NEK1: variants seen among roughly 807,000 people sequenced by gnomAD.
The protein encoded by NEK1 is serine/threonine-protein kinase Nek1.
A neutral mutation model predicts 182.1 loss-of-function variants in NEK1; 137 were observed. That is an observed-to-expected ratio of 0.75 (90% confidence interval 0.65 to 0.87). The LOEUF (loss-of-function observed/expected upper bound fraction) is 0.87. NEK1 is among the 40% of genes least tolerant of loss of function. The probability of loss-of-function intolerance (pLI) is 0.00; values close to 1 mark genes in which losing one functional copy is unlikely to be tolerated. For missense variants in NEK1, 1,391 were observed against 1,494.4 expected (o/e 0.93, Z 1.14); for synonymous variants, 513 against 492.2 (o/e 1.04, Z -0.56).
At chr4:169,465,639 A>G (rs1744789663) in intron 26 of NEK1, among the ~76,000 whole-genome samples, 1 of 152,162 alleles carries the variant, frequency 6.6e-6, no homozygotes, top group African/African-American at 2.4e-5. Context: ...ACAGTGCCAG[A>G]AAGAGTTCCT....
chr4:169,537,764 G>T, intron 19 of NEK1, 45 bp downstream of exon 19: 1 of 1,395,140 alleles, frequency 7.2e-7, no homozygotes, highest in South Asian at 1.2e-5. Flanking sequence ...CCTTCACTTG[G>T]AATACTAATA....
At chr4:169,515,626 A>G (rs1047061104) in intron 19 of NEK1, among the ~76,000 whole-genome samples, 14 of 117,582 alleles carry the variant, frequency 1.2e-4, no homozygotes, top group Non-Finnish European at 1.1e-4. Flanking sequence ...AGCATTAGGT[A>G]TATCTCCCAA....
chr4:169,530,759 G>C (rs1015582877), intron 19 of NEK1, among the ~76,000 whole-genome samples: 2 of 151,156 alleles, frequency 1.3e-5, no homozygotes, highest in African/African-American at 2.4e-5. Flanking sequence ...GGGTTGGCGG[G>C]GGGTGATGGA....
At chr4:169,488,993 A>G (rs1030569091) in intron 23 of NEK1, among the ~76,000 whole-genome samples, 1 of 152,230 alleles carries the variant, frequency 6.6e-6, no homozygotes. Flanking sequence ...ACAAACATTA[A>G]GTCAATCTTC....
At chr4:169,400,463 A>C (rs1384021666) in intron 34 of NEK1, 58 bp downstream of exon 34, 6 of 1,521,710 alleles carry the variant, frequency 3.9e-6, no homozygotes, top group Non-Finnish European at 5.3e-6. Flanking sequence ...GATTATCAAC[A>C]TTTCTTCAAC....
intron 10 of NEK1, among the ~76,000 whole-genome samples, chr4:169,583,726 C>T (rs1767060749): frequency 6.6e-6 from 1 of 152,174 alleles, no homozygotes; most frequent in Non-Finnish European, 1.5e-5. Context: ...TAGTATGCTA[C>T]ATAATAAAAG....
chr4:169,519,620 G>C lies in NEK1; in HGVS notation c.1666-10768C>G, dbSNP rs1245420489. Reference sequence around the variant, plus strand: ...CTAGTCTTGATGGTCTTTACATTTTGGCATGATTTTGCAGCGGCTGGTACC... The same window carrying C: ...CTAGTCTTGATGGTCTTTACATTTTCGCATGATTTTGCAGCGGCTGGTACC... On this transcript the variant is annotated intron_variant, in intron 19 of 35. Transcript: ENST00000507142. Among the ~76,000 whole-genome samples, 757 of 97,950 alleles carry C rather than the reference G, an allele frequency of 7.7e-3. 21 individuals are homozygous for C. The highest frequency in any genetic ancestry group is 0.028 in the African/African-American group (718 of 25,322). 64.3% of individuals were successfully genotyped at this position (97,950 alleles called of 152,430 possible). A position where few individuals can be genotyped will look rare whatever the true frequency, so the allele number is the denominator to read the frequency against.
intron 35 of NEK1, among the ~76,000 whole-genome samples, chr4:169,397,051 A>C (rs1579263304): frequency 6.6e-6 from 1 of 152,080 alleles, no homozygotes; most frequent in Non-Finnish European, 1.5e-5. Flanking sequence ...GCGAAATGCC[A>C]TCTCTGCCAA....
rs959952332 is a variant in NEK1, at chr4:169,479,264, A to C, written c.2139+139T>G. Reference sequence around the variant, plus strand: ...AATGAGGCTCCAGTATTCTGAGTAAACTAAAATCCCTTAAAAAGTAATTTT... The same window carrying C: ...AATGAGGCTCCAGTATTCTGAGTAACCTAAAATCCCTTAAAAAGTAATTTT... On this transcript the variant is annotated intron_variant, in intron 24 of 35. Transcript: ENST00000507142. The C allele has an allele frequency of 1.1e-5, 9 of 797,032 alleles. No individual in the cohort carries two copies. The African/African-American group carries it at 1.6e-4, about 14-fold the overall frequency. The allele number at this position is 797,032 out of a possible 1,614,324, so 49.4% of individuals were successfully genotyped here.
chr4:169,560,785 C>CT (rs559468393), intron 16 of NEK1, among the ~76,000 whole-genome samples: 264 of 143,252 alleles, frequency 1.8e-3, no homozygotes, highest in East Asian at 0.013. Context: ...GGAAAAAAAA[C>CT]TTTTTTTTTT....
chr4:169,448,566 TAAC>T (rs1470197683), intron 27 of NEK1, among the ~76,000 whole-genome samples: 1 of 151,982 alleles, frequency 6.6e-6, no homozygotes, highest in Non-Finnish European at 1.5e-5. Context: ...AGAAAACAAA[TAAC>T]AAAATGGCAG....
intron 19 of NEK1, among the ~76,000 whole-genome samples, chr4:169,526,751 T>C (rs1756954370): frequency 1.3e-5 from 2 of 152,164 alleles, no homozygotes; most frequent in Admixed American, 6.5e-5. Flanking sequence ...TTTTAAAATA[T>C]CAGAAAACAC....
chr4:169,530,216 T>C (rs1757462062), intron 19 of NEK1, among the ~76,000 whole-genome samples: 1 of 152,194 alleles, frequency 6.6e-6, no homozygotes, highest in Non-Finnish European at 1.5e-5. Context: ...ATGCAACAAC[T>C]TGCATGAATA....
intron 3 of NEK1, among the ~76,000 whole-genome samples, 157 bp downstream of exon 3, chr4:169,602,357 G>A (rs1770642451): frequency 1.3e-5 from 2 of 150,836 alleles, no homozygotes; most frequent in East Asian, 3.9e-4. Flanking sequence ...GAAAAAATCT[G>A]AAAGAATATA....
intron 12 of NEK1, among the ~76,000 whole-genome samples, chr4:169,567,411 T>C (rs1050973221): frequency 2.0e-5 from 3 of 152,098 alleles, no homozygotes; most frequent in African/African-American, 7.2e-5. Context: ...AAAAATTTTT[T>C]TTTTTTTGAG....
At chr4:169,450,340 T>A (rs1380702818) in intron 27 of NEK1, among the ~76,000 whole-genome samples, 3 of 152,088 alleles carry the variant, frequency 2.0e-5, no homozygotes, top group African/African-American at 7.2e-5. Flanking sequence ...ACCACAAAGA[T>A]ACTCCTCTAG....
intron 20 of NEK1, 109 bp downstream of exon 20, chr4:169,508,660 C>T: frequency 2.4e-6 from 2 of 826,954 alleles, no homozygotes; most frequent in Non-Finnish European, 3.6e-6. Flanking sequence ...TCCCTACAGA[C>T]CTACAAAATC....
chr4:169,524,990 T>C (rs1018870563), intron 19 of NEK1, among the ~76,000 whole-genome samples: 5 of 152,156 alleles, frequency 3.3e-5, no homozygotes, highest in Admixed American at 6.5e-5. Flanking sequence ...TACAGAAAAA[T>C]GTTTGCCAAT....
At chr4:169,398,568 A>C (rs534164665) in intron 35 of NEK1, among the ~76,000 whole-genome samples, 8 of 152,242 alleles carry the variant, frequency 5.3e-5, no homozygotes, top group African/African-American at 1.9e-4. Flanking sequence ...ACCAGCACCA[A>C]ATTTGTTTCC....
Sources: gnomAD v4.1 joint callset for allele counts (sites outside exome capture counted in the v4.1 genomes callset) on GRCh38, gnomAD v4.1.1 for gene constraint, MANE v1.5 for transcripts, NCBI Gene and HGNC (gene_info 2026-07-23, HGNC 2026-07-21) for gene names.